The following MAP3K19 variants were observed in gnomAD, a reference collection of about 807,000 sequenced individuals.
MAP3K19 encodes SPS1/STE20-related protein kinase YSK4.
MAP3K19 carries 91 observed loss-of-function variants against 114.4 expected under a neutral mutation model. The ratio of observed to expected loss-of-function variants is 0.80; its 90% confidence interval spans 0.67 to 0.95. MAP3K19 has a LOEUF of 0.95. Among genes scored for constraint, MAP3K19 ranks in the 40% least tolerant of loss-of-function variants. The probability of loss-of-function intolerance (pLI) is 0.00; values close to 1 mark genes in which losing one functional copy is unlikely to be tolerated. For synonymous variants in MAP3K19, 518 were observed against 530.5 expected (o/e 0.98, Z 0.32); for missense variants, 1,471 against 1,573.2 (o/e 0.94, Z 1.10).
intron 1 of MAP3K19, among the ~76,000 whole-genome samples, chr2:135,044,374 C>T (rs1056199488): frequency 2.6e-5 from 4 of 152,078 alleles, no homozygotes; most frequent in East Asian, 1.9e-4. Flanking sequence ...GTGGATCACC[C>T]GAGGTCAGGA....
chr2:134,968,032 G>A (rs528354363), intron 12 of MAP3K19, among the ~76,000 whole-genome samples: 23 of 152,128 alleles, frequency 1.5e-4, no homozygotes, highest in South Asian at 1.0e-3. Context: ...GTGTCCCTGG[G>A]TACTTGAGAT....
chr2:135,025,377 C>CTTTTTTTT (rs754598942), intron 3 of MAP3K19, among the ~76,000 whole-genome samples: 2 of 69,534 alleles, frequency 2.9e-5, no homozygotes, highest in Non-Finnish European at 5.5e-5. Flanking sequence ...CTTTTCTTTT[C>CTTTTTTTT]TTTTTTTTTT....
rs1445785346 is a variant in MAP3K19, at chr2:135,033,409, C to T, written c.-283-2909G>A. 2.6e-5 allele frequency among the ~76,000 whole-genome samples: 3 copies of T among 117,594 alleles called. 1 individual carries two copies. Among genetic ancestry groups the T allele is most frequent in the Non-Finnish European group, 1.6e-5 (1 of 60,998 alleles). 77.1% of individuals were successfully genotyped at this position (117,594 alleles called of 152,430 possible). A position where few individuals can be genotyped will look rare whatever the true frequency, so the allele number is the denominator to read the frequency against. ...TGCCCTCCCGGACGGGGCGGCTGGC[C>T]GGGCAGAGGGGATCCTCACTTCCCA... On this transcript the variant is annotated intron_variant, in intron 2 of 12. Transcript: ENST00000392915.
intron 2 of MAP3K19, among the ~76,000 whole-genome samples, chr2:135,036,542 G>A (rs914711370): frequency 7.2e-5 from 11 of 152,082 alleles, no homozygotes; most frequent in Non-Finnish European, 1.6e-4. Flanking sequence ...GGAGGGTAAG[G>A]TTTGGGAAGA....
intron 8 of MAP3K19, among the ~76,000 whole-genome samples, chr2:134,993,780 C>T (rs994535529): frequency 6.6e-6 from 1 of 152,136 alleles, no homozygotes; most frequent in Non-Finnish European, 1.5e-5. Flanking sequence ...AATTTGGTAA[C>T]ATGTGTCAAA....
At chr2:134,971,437 T>A (rs1318377434) in intron 12 of MAP3K19, among the ~76,000 whole-genome samples, 2 of 152,208 alleles carry the variant, frequency 1.3e-5, no homozygotes, top group Non-Finnish European at 2.9e-5. Context: ...GCTGGCTTCA[T>A]TGAATGAGTT....
chr2:134,967,878 T>TA (rs1206808633), intron 12 of MAP3K19, among the ~76,000 whole-genome samples: 5 of 151,896 alleles, frequency 3.3e-5, no homozygotes, highest in South Asian at 2.1e-4. Flanking sequence ...TTTTATTTTT[T>TA]ATTGATCATT....
At chr2:135,019,001 C>T (rs1049635559) in intron 5 of MAP3K19, among the ~76,000 whole-genome samples, 4 of 151,782 alleles carry the variant, frequency 2.6e-5, no homozygotes, top group Admixed American at 2.0e-4. Context: ...GGGAAAATTG[C>T]TTGGGAGGCA....
At chr2:135,010,000 G>C (rs1687106801) in intron 5 of MAP3K19, among the ~76,000 whole-genome samples, 1 of 152,060 alleles carries the variant, frequency 6.6e-6, no homozygotes, top group South Asian at 2.1e-4. Flanking sequence ...GCCAGTGGCA[G>C]AGCCAGAATT....
intron 1 of MAP3K19, among the ~76,000 whole-genome samples, chr2:135,044,083 T>C (rs549554741): frequency 6.6e-6 from 1 of 152,352 alleles, no homozygotes; most frequent in East Asian, 1.9e-4. Flanking sequence ...ATAACAATAA[T>C]ACAACAACAG....
intron 2 of MAP3K19, among the ~76,000 whole-genome samples, chr2:135,037,583 C>T (rs1688560602): frequency 6.6e-6 from 1 of 152,160 alleles, no homozygotes; most frequent in African/African-American, 2.4e-5. Context: ...GGAGGCATGT[C>T]TCCATGGGTC....
intron 12 of MAP3K19, among the ~76,000 whole-genome samples, chr2:134,975,981 CCT>C (rs1684208830): frequency 6.6e-6 from 1 of 152,188 alleles, no homozygotes; most frequent in Non-Finnish European, 1.5e-5. Flanking sequence ...GCTTTGGCTC[CCT>C]TTGTCCCAGG....
chr2:135,024,507 A>G lies in MAP3K19; in HGVS notation c.22+119T>C. 1.7e-5 allele frequency: 16 copies of G among 951,234 alleles called. No homozygotes were observed. In the South Asian group the frequency reaches 1.9e-4, roughly 11 times the overall value. The allele number at this position is 951,234 out of a possible 1,614,324, so 58.9% of individuals were successfully genotyped here. ...GGGCCTTGTACAGAGTCACTGCTCC[A>G]TAAATAGCCGTGGACTTGATTTCTT... On this transcript the variant is annotated intron_variant, in intron 4 of 12. Coordinates refer to ENST00000392915, the MANE Select transcript of MAP3K19 (RefSeq NM_025052.5).
rs935635688 is a variant in MAP3K19, at chr2:134,979,177, G to A, written c.3920+1644C>T. Among the ~76,000 whole-genome samples, 3 of 152,224 alleles carry A rather than the reference G, an allele frequency of 2.0e-5. No homozygotes were observed. The East Asian group carries it at 5.8e-4, about 29-fold the overall frequency. On this transcript the variant is annotated intron_variant, in intron 12 of 12. Coordinates refer to ENST00000392915, the MANE Select transcript of MAP3K19 (RefSeq NM_025052.5). The stretch of plus-strand genomic sequence containing the variant: ...TAGGGTCCTCAGGGTCTTTGCCATA[G>A]AATTTTAGGAGGTAATTATATACTT...
chr2:134,981,281 G>C lies in MAP3K19; in HGVS notation c.3460C>G (p.Arg1154Gly), dbSNP rs749899105. The change falls in exon 12 of 13, where the codon CGT becomes GGT. Residue 1154 changes from arginine to glycine, a missense_variant. Arg to Gly is a moderately radical substitution (Grantham distance 125). Transcript: ENST00000392915. The stretch of plus-strand genomic sequence containing the variant: ...ACCATCTCAGGCAATGGCCCAAAAC[G>C]GTTTATAATACTAGAGATTGAGCCA... ...PGGSISSIINRFGPLPEMVFC... is the reference protein window; with the variant it reads ...PGGSISSIINGFGPLPEMVFC... 5 of 1,614,134 alleles carry C rather than the reference G, an allele frequency of 3.1e-6. No homozygotes were observed. Among genetic ancestry groups the C allele is most frequent in the South Asian group, 1.1e-5 (1 of 91,086 alleles).
intron 8 of MAP3K19, among the ~76,000 whole-genome samples, chr2:134,996,105 A>C (rs1157463083): frequency 6.6e-6 from 1 of 151,880 alleles, no homozygotes; most frequent in Non-Finnish European, 1.5e-5. Flanking sequence ...ACAGCCACCT[A>C]ATTTTTAAAA....
At chr2:135,002,759 G>A (rs970157307) in intron 6 of MAP3K19, among the ~76,000 whole-genome samples, 2 of 152,126 alleles carry the variant, frequency 1.3e-5, no homozygotes. Context: ...GAGGGAGGGG[G>A]TTCTTACATT....
At chr2:134,976,259 C>G (rs1479754214) in intron 12 of MAP3K19, among the ~76,000 whole-genome samples, 1 of 152,156 alleles carries the variant, frequency 6.6e-6, no homozygotes, top group African/African-American at 2.4e-5. Flanking sequence ...GTGTGAGCTC[C>G]CTCTCCGGAG....
At position 135,033,306 on chromosome 2, in the gene MAP3K19, A is replaced by C. The variant is rs1688434795; in HGVS notation, c.-283-2806T>G. On this transcript the variant is annotated intron_variant, in intron 2 of 12. Transcript: ENST00000392915. ...CGGGCAGAGGGGCTCCTCACCTCCC[A>C]GTAGGAGCGGCTGGGCAGAGGCGCC... 1.6e-5 allele frequency among the ~76,000 whole-genome samples: 2 copies of C among 121,602 alleles called. 1 individual carries two copies. Among genetic ancestry groups the C allele is most frequent in the Non-Finnish European group, 3.2e-5 (2 of 62,898 alleles). The allele number at this position is 121,602 out of a possible 152,430, so 79.8% of individuals were successfully genotyped here.
Sources: gnomAD v4.1 joint callset for allele counts (sites outside exome capture counted in the v4.1 genomes callset) on GRCh38, gnomAD v4.1.1 for gene constraint, MANE v1.5 for transcripts, NCBI Gene and HGNC (gene_info 2026-07-23, HGNC 2026-07-21) for gene names.